Variants in RSPO2 observed in about 807,000 individuals in gnomAD.
The protein encoded by RSPO2 is R-spondin 2.
A neutral mutation model predicts 30.9 loss-of-function variants in RSPO2; 14 were observed. That is an observed-to-expected ratio of 0.45 (90% CI 0.30 to 0.71). RSPO2 has a LOEUF of 0.71. Among genes scored for constraint, RSPO2 ranks in the 30% least tolerant of loss-of-function variants. RSPO2 has a pLI of 0.08. For synonymous variants in RSPO2, 107 were observed against 96.4 expected (o/e 1.11, Z -0.64); for missense variants, 264 against 301.9 (o/e 0.87, Z 0.93).
At chr8:108,075,204 G>T (rs1386643727) in intron 2 of RSPO2, among the ~76,000 whole-genome samples, 1 of 152,230 alleles carries the variant, frequency 6.6e-6, no homozygotes, top group Non-Finnish European at 1.5e-5. Context: ...TTACCAGCCG[G>T]GCACGGTGGC....
At chr8:107,989,320 C>A in intron 2 of RSPO2, 76 bp from the exon 3 acceptor site, 1 of 892,006 alleles carries the variant, frequency 1.1e-6, no homozygotes, top group Non-Finnish European at 1.7e-6. Flanking sequence ...GCTGAAAAGA[C>A]AAATGTTTCT....
At chr8:108,034,759 G>A (rs1409587195) in intron 2 of RSPO2, among the ~76,000 whole-genome samples, 3 of 150,916 alleles carry the variant, frequency 2.0e-5, no homozygotes, top group Non-Finnish European at 4.4e-5. Context: ...TATGGTCAAA[G>A]CTACGTGATA....
chr8:108,053,378 C>G (rs1812134152), intron 2 of RSPO2, among the ~76,000 whole-genome samples: 1 of 152,114 alleles, frequency 6.6e-6, no homozygotes, highest in Admixed American at 6.5e-5. Context: ...TCCTCTTGAC[C>G]AAAAATCCTT....
intron 2 of RSPO2, among the ~76,000 whole-genome samples, chr8:107,998,443 T>C (rs1269457154): frequency 5.3e-5 from 8 of 152,104 alleles, no homozygotes; most frequent in African/African-American, 9.7e-5. Flanking sequence ...AAATGGAAAA[T>C]GCCTATCTTA....
At chr8:108,082,859 G>A (rs1363111761) in intron 1 of RSPO2, 52 bp from the exon 2 acceptor site, 8 of 513,234 alleles carry the variant, frequency 1.6e-5, no homozygotes, top group South Asian at 9.4e-5. Context: ...GAGAGCCCCG[G>A]GGAGGCAGCT....
At chr8:107,955,093 C>T (rs541278091) in intron 5 of RSPO2, among the ~76,000 whole-genome samples, 26 of 152,250 alleles carry the variant, frequency 1.7e-4, no homozygotes, top group African/African-American at 6.0e-4. Context: ...ATGTGGAAGG[C>T]TTGGCAAATG....
At chr8:108,067,407 T>C (rs930754268) in intron 2 of RSPO2, among the ~76,000 whole-genome samples, 3 of 152,204 alleles carry the variant, frequency 2.0e-5, no homozygotes, top group African/African-American at 4.8e-5. Flanking sequence ...GGTGAAATGA[T>C]GTAATATCTG....
rs147697929 is a variant in RSPO2 at position 107,938,796 on chromosome 8, T to G, written c.616+19284A>C. Among the ~76,000 whole-genome samples the G allele has an allele frequency of 4.3e-4, 66 of 152,272 alleles. 1 individual carries two copies. The highest frequency in any genetic ancestry group is 1.5e-3 in the African/African-American group (64 of 41,574). On this transcript the variant is annotated intron_variant, in intron 5 of 5. Coordinates refer to ENST00000276659, the MANE Select transcript of RSPO2 (RefSeq NM_178565.5). The stretch of plus-strand genomic sequence containing the variant: ...AAATGCGTTCTGCAACCATAAACAG[T>G]AAAGCATTTTGATGAACTGAGGCAG...
chr8:107,924,900 T>A (rs901640894), intron 5 of RSPO2, among the ~76,000 whole-genome samples: 1 of 150,742 alleles, frequency 6.6e-6, no homozygotes, highest in Non-Finnish European at 1.5e-5. Flanking sequence ...GCAAAAAAAA[T>A]GAAAGCTTTT....
chr8:108,069,162 G>A (rs115122945), intron 2 of RSPO2, among the ~76,000 whole-genome samples: 4,172 of 151,940 alleles, frequency 0.027, 174 homozygotes, highest in African/African-American at 0.093. Context: ...CCTTGTGTCC[G>A]ACATCCTATT....
chr8:108,076,917 T>G (rs893884238), intron 2 of RSPO2, among the ~76,000 whole-genome samples: 2 of 152,054 alleles, frequency 1.3e-5, no homozygotes, highest in African/African-American at 4.8e-5. Flanking sequence ...AAGAAGAGAA[T>G]GGACAGAAAA....
At chr8:107,937,615 G>A (rs76087436) in intron 5 of RSPO2, among the ~76,000 whole-genome samples, 11 of 146,132 alleles carry the variant, frequency 7.5e-5, no homozygotes, top group South Asian at 2.2e-4. Flanking sequence ...TCATTTGAAG[G>A]AAAAAAAAAA....
rs1426152036 is a variant in RSPO2 at position 107,958,198 on chromosome 8, T to C, written c.498A>G (p.Lys166=). 4 of 1,613,816 alleles carry C rather than the reference T, an allele frequency of 2.5e-6. No homozygotes were observed. Among genetic ancestry groups the C allele is most frequent in the Admixed American group, 1.7e-5 (1 of 59,992 alleles). ...CSRNNRTCGF[K]WGLETRTRQI... ...GCCGTGTTCTGGTTTCCAGACCCCA[T>C]TTAAATCCACATGTGCGATTATTTC... Residue 166 remains lysine (K), a synonymous_variant, in exon 5 of 6, where the codon AAA becomes AAG. Coordinates refer to ENST00000276659, the MANE Select transcript of RSPO2 (RefSeq NM_178565.5).
At chr8:107,963,812 CTT>C (rs1393911342) in intron 3 of RSPO2, among the ~76,000 whole-genome samples, 4 of 152,028 alleles carry the variant, frequency 2.6e-5, no homozygotes, top group Non-Finnish European at 5.9e-5. Context: ...AAATTAAGCT[CTT>C]TTGATTTTAA....
At chr8:107,953,576 G>C (rs146895641) in intron 5 of RSPO2, among the ~76,000 whole-genome samples, 6 of 152,176 alleles carry the variant, frequency 3.9e-5, no homozygotes, top group African/African-American at 1.4e-4. Flanking sequence ...AAGTTGGGAA[G>C]TTTAATGTTG....
intron 2 of RSPO2, among the ~76,000 whole-genome samples, chr8:108,042,303 G>T (rs538342637): frequency 6.6e-6 from 1 of 152,134 alleles, no homozygotes; most frequent in Non-Finnish European, 1.5e-5. Context: ...GTGATAACGT[G>T]GGGGAAGACA....
At chr8:108,027,918 T>C (rs1811276388) in intron 2 of RSPO2, among the ~76,000 whole-genome samples, 1 of 152,292 alleles carries the variant, frequency 6.6e-6, no homozygotes, top group Admixed American at 6.5e-5. Context: ...TTTTGGCCTC[T>C]CACCTTTCAT....
At chr8:108,069,143 A>G (rs189198604) in intron 2 of RSPO2, among the ~76,000 whole-genome samples, 2 of 152,284 alleles carry the variant, frequency 1.3e-5, no homozygotes, top group East Asian at 1.9e-4. Flanking sequence ...TCAAAAATCA[A>G]TGAGAAAACC....
intron 3 of RSPO2, among the ~76,000 whole-genome samples, chr8:107,987,643 G>T (rs1814691923): frequency 6.6e-6 from 1 of 152,192 alleles, no homozygotes; most frequent in Non-Finnish European, 1.5e-5. Context: ...ATGAAACAGA[G>T]AACTGCATTG....
Sources: gnomAD v4.1 joint callset for allele counts (sites outside exome capture counted in the v4.1 genomes callset) on GRCh38, gnomAD v4.1.1 for gene constraint, MANE v1.5 for transcripts, NCBI Gene and HGNC (gene_info 2026-07-23, HGNC 2026-07-21) for gene names.